MRPL22: variants seen among roughly 807,000 people sequenced by gnomAD.
MRPL22 encodes the protein mitochondrial ribosomal protein L22.
Under a neutral mutation model 32.4 loss-of-function variants are expected in MRPL22, and 27 were observed. The observed-to-expected ratio is 0.83, with a 90% confidence interval of 0.61 to 1.15. The LOEUF (loss-of-function observed/expected upper bound fraction) is 1.15, where lower values mean the gene tolerates loss of function less well. MRPL22 is among the 50% of genes most tolerant of loss of function. The pLI, the probability that MRPL22 is intolerant of heterozygous loss-of-function variation, is 0.00. For missense variants in MRPL22, 239 were observed against 260.2 expected, an observed-to-expected ratio of 0.92 and a Z score of 0.56; for synonymous variants, 86 against 87.3, an observed-to-expected ratio of 0.99 and a Z score of 0.08.
chr5:154,951,881 T>A (rs573182985), intron 3 of MRPL22, among the ~76,000 whole-genome samples: 1 of 149,132 alleles, frequency 6.7e-6, no homozygotes, highest in African/African-American at 2.5e-5. Flanking sequence ...TGAAATCACG[T>A]ATTTTTTTTT....
chr5:154,948,415 C>G (rs1764519450), intron 2 of MRPL22, among the ~76,000 whole-genome samples: 1 of 152,114 alleles, frequency 6.6e-6, no homozygotes, highest in South Asian at 2.1e-4. Flanking sequence ...TTATTCAACC[C>G]TCTCTTTTTT....
intron 6 of MRPL22, among the ~76,000 whole-genome samples, chr5:154,962,818 A>T (rs1764721934): frequency 6.6e-6 from 1 of 152,202 alleles, no homozygotes; most frequent in South Asian, 2.1e-4. Context: ...CTTGTACATC[A>T]ATCTTATTGG....
intron 6 of MRPL22, among the ~76,000 whole-genome samples, chr5:154,966,244 G>T (rs1764764843): frequency 6.6e-6 from 1 of 152,034 alleles, no homozygotes; most frequent in Non-Finnish European, 1.5e-5. Context: ...CCTCTGCCTG[G>T]AATACCCTGT....
chr5:154,961,227 G>A (rs1185795754), intron 6 of MRPL22, among the ~76,000 whole-genome samples: 1 of 152,080 alleles, frequency 6.6e-6, no homozygotes, highest in Admixed American at 6.6e-5. Context: ...TTTGATACAT[G>A]CAAAGATGCA....
chr5:154,941,143 G>A lies in MRPL22; in HGVS notation c.28+5G>A, dbSNP rs773266398. Reference sequence around the variant, plus strand: ...CGGCAGTACTGGGACAGTTGGGTAAGGATTTCTTAGTGGTTAAGCGACAGA... The same window carrying A: ...CGGCAGTACTGGGACAGTTGGGTAAAGATTTCTTAGTGGTTAAGCGACAGA... On this transcript the variant is annotated splice_donor_5th_base_variant and intron_variant, in intron 1 of 6. Coordinates refer to ENST00000523037, the MANE Select transcript of MRPL22 (RefSeq NM_014180.4). 3 of 1,613,986 alleles carry A rather than the reference G, an allele frequency of 1.9e-6. No homozygotes were observed. Among genetic ancestry groups the A allele is most frequent in the African/African-American group, 2.7e-5 (2 of 74,914 alleles).
At chr5:154,943,810 C>A (rs566809354) in intron 2 of MRPL22, among the ~76,000 whole-genome samples, 1 of 151,820 alleles carries the variant, frequency 6.6e-6, no homozygotes, top group Admixed American at 6.6e-5. Context: ...GGATCACAGG[C>A]GTGCACTACT....
intron 3 of MRPL22, among the ~76,000 whole-genome samples, chr5:154,952,739 A>G (rs984643524): frequency 6.6e-6 from 1 of 152,214 alleles, no homozygotes; most frequent in African/African-American, 2.4e-5. Context: ...ATACTGCGCT[A>G]TAATATACAA....
intron 2 of MRPL22, among the ~76,000 whole-genome samples, chr5:154,943,201 T>TG (rs1423827296): frequency 6.6e-6 from 1 of 152,046 alleles, no homozygotes; most frequent in Non-Finnish European, 1.5e-5. Context: ...TGCAGTGCTG[T>TG]GATCATAGCT....
intron 5 of MRPL22, among the ~76,000 whole-genome samples, chr5:154,959,650 C>T (rs1764676022): frequency 2.0e-5 from 3 of 152,176 alleles, no homozygotes; most frequent in African/African-American, 7.2e-5. Context: ...TGCATCTGGC[C>T]TTGGGAACTT....
At chr5:154,961,052 A>G (rs1764696757) in intron 6 of MRPL22, among the ~76,000 whole-genome samples, 1 of 152,228 alleles carries the variant, frequency 6.6e-6, no homozygotes, top group Admixed American at 6.5e-5. Context: ...GTAAAAAAAA[A>G]ATTATCTAAA....
intron 2 of MRPL22, among the ~76,000 whole-genome samples, chr5:154,944,481 AGT>A (rs1764462692): frequency 6.6e-6 from 1 of 152,168 alleles, no homozygotes; most frequent in African/African-American, 2.4e-5. Flanking sequence ...ATTTACACTC[AGT>A]CCTCTTACCT....
chr5:154,955,211 G>A (rs1448864898), intron 3 of MRPL22: 1 of 152,144 alleles, frequency 6.6e-6, no homozygotes, highest in Non-Finnish European at 1.5e-5. Context: ...TGCTGAAAAT[G>A]TAATTAGGCT....
intron 2 of MRPL22, among the ~76,000 whole-genome samples, chr5:154,945,104 G>C (rs910871275): frequency 2.0e-5 from 3 of 152,164 alleles, no homozygotes; most frequent in Non-Finnish European, 2.9e-5. Flanking sequence ...GGTTCTTTCT[G>C]GCTGCTGTGT....
At chr5:154,948,973 T>C (rs1349630433) in intron 2 of MRPL22, among the ~76,000 whole-genome samples, 1 of 152,240 alleles carries the variant, frequency 6.6e-6, no homozygotes, top group Non-Finnish European at 1.5e-5. Context: ...GATTAATGCT[T>C]GGCTTGTCCC....
chr5:154,955,172 C>T (rs1764615740), intron 3 of MRPL22: 2 of 152,158 alleles, frequency 1.3e-5, no homozygotes, highest in African/African-American at 4.8e-5. Context: ...ATAGTTCTTT[C>T]CTCTCCCTGT....
intron 3 of MRPL22, 200 bp from the exon 4 acceptor site, chr5:154,956,171 T>G: frequency 1.9e-6 from 1 of 532,456 alleles, no homozygotes; most frequent in Non-Finnish European, 3.3e-6. Flanking sequence ...TAGTAATCTT[T>G]TAACATAGTG....
chr5:154,956,237 A>G (rs1223808395), intron 3 of MRPL22, 134 bp from the exon 4 acceptor site: 3 of 647,780 alleles, frequency 4.6e-6, no homozygotes, highest in African/African-American at 1.9e-5. Flanking sequence ...AATTCTTAGT[A>G]ATGTTTCTAT....
chr5:154,962,581 G>A (rs907782971), intron 6 of MRPL22, among the ~76,000 whole-genome samples: 7 of 152,126 alleles, frequency 4.6e-5, no homozygotes, highest in Non-Finnish European at 1.0e-4. Flanking sequence ...GATAGCATAT[G>A]TTCTCATTAT....
rs1764803092 is a variant in MRPL22 at position 154,968,545 on chromosome 5, G to A, written c.*1648G>A. The A allele has an allele frequency of 6.6e-6, 1 of 152,110 alleles. No individual in the cohort carries two copies. The highest frequency in any genetic ancestry group is 1.5e-5 in the Non-Finnish European group (1 of 68,012). The allele number at this position is 152,110 out of a possible 1,614,324, so 9.4% of individuals were successfully genotyped here. On this transcript the variant is annotated 3_prime_UTR_variant, in exon 7 of 7. Transcript: ENST00000523037. ...ATTTGTTTAAAAATGCAAATTCCTG[G>A]GCTCTACTCTCAGACTAAGTGAATC...
Sources: allele counts gnomAD v4.1 joint callset (sites outside exome capture counted in the v4.1 genomes callset), GRCh38; gene constraint gnomAD v4.1.1; transcripts MANE v1.5; gene names NCBI Gene and HGNC (gene_info 2026-07-23, HGNC 2026-07-21).